ARAF: variants seen among roughly 807,000 people sequenced by gnomAD.
ARAF encodes the protein A-Raf proto-oncogene, serine/threonine kinase.
Under a neutral mutation model 48.0 loss-of-function variants are expected in ARAF, and 18 were observed. The observed-to-expected ratio is 0.37, with a 90% CI of 0.26 to 0.56. The LOEUF is 0.56. Ranked by LOEUF, ARAF falls within the 20% of genes least tolerant of loss-of-function variation. ARAF has a pLI of 0.77. For synonymous variants in ARAF, 207 were observed against 220.1 expected, an observed-to-expected ratio of 0.94 and a Z score of 0.53; for missense variants, 389 against 543.1, an observed-to-expected ratio of 0.72 and a Z score of 2.82.
chrX:47,570,110 A>AAATG, intron 14 of ARAF, 86 bp downstream of exon 14: 2 of 1,058,954 alleles, frequency 1.9e-6, no homozygotes, highest in Middle Eastern at 5.1e-4. Context: ...TTGCACTGAT[A>AAATG]AATGCCACAC....
At chrX:47,569,478 C>T (rs368861433) in intron 12 of ARAF, 61 bp from the exon 13 acceptor site, 1 of 1,022,507 alleles carries the variant, frequency 9.8e-7, no homozygotes. Context: ...ATGGGAACCT[C>T]CCAGGCAGGG....
Position 47,563,028 on chromosome X carries a change from G to A in ARAF, c.61G>A (p.Val21Ile), listed in dbSNP as rs779656098. The change falls in exon 2 of 16, where the codon GTC becomes ATC. Residue 21 changes from valine (V) to isoleucine (I), a missense_variant. Transcript: ENST00000377045. ...GAEPSRAVGT[V>I]KVYLPNKQRT... Reference sequence around the variant, plus strand: ...CGAGCCATCCCGGGCAGTGGGCACCGTCAAAGTATACCTGCCCAACAAGCA... The same window carrying A: ...CGAGCCATCCCGGGCAGTGGGCACCATCAAAGTATACCTGCCCAACAAGCA... 3.3e-6 allele frequency: 4 copies of A among 1,200,028 alleles called. No homozygotes were observed. Among genetic ancestry groups the A allele is most frequent in the Non-Finnish European group, 4.5e-6 (4 of 889,571 alleles).
chrX:47,569,733 G>T (rs2854429), intron 13 of ARAF, 76 bp downstream of exon 13: 2 of 1,107,146 alleles, frequency 1.8e-6, no homozygotes, highest in Non-Finnish European at 2.5e-6. Flanking sequence ...GCCAAGTGGG[G>T]ACGGGGATGC....
At position 47,562,811 on chromosome X, in the gene ARAF, C is replaced by T. The variant is rs997470335; in HGVS notation, c.-59-98C>T. On this transcript the variant is annotated intron_variant, in intron 1 of 15. Transcript: ENST00000377045. ...CGTGTGAAAATTAGGCTGCAGGGGG[C>T]GACAGGAGCCTGGACTTTGAATTTT... 1.3e-5 allele frequency: 6 copies of T among 449,219 alleles called. No homozygotes were observed. The East Asian group carries it at 1.5e-4, about 11-fold the overall frequency. 37.0% of individuals were successfully genotyped at this position (449,219 alleles called of 1,213,427 possible). A position where few individuals can be genotyped will look rare whatever the true frequency, so the allele number is the denominator to read the frequency against.
Position 47,571,542 on chromosome X carries a change from C to A in ARAF, c.*85C>A. 9.3e-7 allele frequency: 1 copy of A among 1,080,879 alleles called. No individual in the cohort carries two copies. The highest frequency in any genetic ancestry group is 2.3e-5 in the South Asian group (1 of 44,080). 89.1% of individuals were successfully genotyped at this position (1,080,879 alleles called of 1,213,427 possible). ...CCAGCCAATCAATGTTCGTCTCTGC[C>A]CTGATGCTGCCTCAGGATCCCCCAT... is the stretch of plus-strand genomic sequence containing the variant. On this transcript the variant is annotated 3_prime_UTR_variant, in exon 16 of 16. Coordinates refer to ENST00000377045, the MANE Select transcript of ARAF (RefSeq NM_001654.5).
intron 1 of ARAF, among the ~76,000 whole-genome samples, chrX:47,561,510 C>T (rs951646121): frequency 1.8e-5 from 2 of 111,982 alleles, no homozygotes; most frequent in African/African-American, 3.2e-5. Context: ...AGCCGGAAGC[C>T]CTTTGGTAGG....
In ARAF at chrX:47,563,359, T is replaced by TG. The variant is rs2057718913; in HGVS notation, c.200+33dup. On this transcript the variant is annotated intron_variant, in intron 3 of 15. Transcript: ENST00000377045. ...GTGTGGCAGCCCCACGCCCACCCACTGGGTGTCCCACCTCCCATCCCCTCC... is the reference window on the plus strand; with the variant it reads ...GTGTGGCAGCCCCACGCCCACCCACTGGGGTGTCCCACCTCCCATCCCCTCC... The TG allele has an allele frequency of 2.7e-6, 3 of 1,105,536 alleles. No homozygotes were observed. The East Asian group carries it at 9.0e-5, about 33-fold the overall frequency. The allele number at this position is 1,105,536 out of a possible 1,213,427, so 91.1% of individuals were successfully genotyped here.
intron 15 of ARAF, 62 bp from the exon 16 acceptor site, chrX:47,571,261 C>G (rs1215167001): frequency 8.8e-7 from 1 of 1,132,041 alleles, no homozygotes; most frequent in Admixed American, 2.5e-5. Flanking sequence ...CGCCATGAGG[C>G]TGGGGCTGTT....
rs752699379 is a variant in ARAF, at chrX:47,564,800, A to G, written c.204A>G (p.Arg68=). Residue 68 remains arginine, a synonymous_variant, in exon 4 of 16, where the codon CGA becomes CGG. Transcript: ENST00000377045. ...TTCCTTTCCATGCCCCCTGCAGACG[A>G]AAGACGGTCACTGCCTGGGACACAG... is the stretch of plus-strand genomic sequence containing the variant. ...CCVVYRLIKG[R]KTVTAWDTAI... is the part of the protein sequence containing the mutation. The G allele has an allele frequency of 3.2e-5, 38 of 1,200,200 alleles. No individual in the cohort carries two copies. The highest frequency in any genetic ancestry group is 3.8e-5 in the Non-Finnish European group (34 of 889,204).
At chrX:47,565,799 T>C (rs1285129143) in intron 6 of ARAF, 4 of 140,045 alleles carry the variant, frequency 2.9e-5, no homozygotes, top group African/African-American at 1.3e-4. Context: ...TGTTAAATAT[T>C]ATATAAAACT....
At position 47,566,713 on chromosome X, in the gene ARAF, GCTCCACGTCCACTCC is replaced by G. The variant is rs1156986983; in HGVS notation, c.634_648del (p.Ser212_Pro216del). On this transcript the variant is annotated inframe_deletion, in exon 7 of 16. Coordinates refer to ENST00000377045, the MANE Select transcript of ARAF (RefSeq NM_001654.5). The stretch of plus-strand genomic sequence containing the variant: ...GCCAATGCCCCCCTACAGCGCATCC[GCTCCACGTCCACTCC>G]CAACGTCCATATGGTCAGCACCACG... 1 of 1,204,066 alleles carries G rather than the reference GCTCCACGTCCACTCC, an allele frequency of 8.3e-7. No homozygotes were observed. The highest frequency in any genetic ancestry group is 1.1e-6 in the Non-Finnish European group (1 of 892,467).
chrX:47,571,775 T>G lies in ARAF; in HGVS notation c.*318T>G, dbSNP rs968747415. On this transcript the variant is annotated 3_prime_UTR_variant, in exon 16 of 16. Coordinates refer to ENST00000377045, the MANE Select transcript of ARAF (RefSeq NM_001654.5). ...CCACTCAGAACCTCTCTGGAATTTG[T>G]GCCTGATGTGCCTTCCACTGGATTT... The G allele has an allele frequency of 3.5e-5, 9 of 258,725 alleles. No individual in the cohort carries two copies. Among genetic ancestry groups the G allele is most frequent in the Admixed American group, 6.6e-5 (1 of 15,103 alleles). 21.3% of individuals were successfully genotyped at this position (258,725 alleles called of 1,213,427 possible).
intron 10 of ARAF, among the ~76,000 whole-genome samples, chrX:47,568,177 T>G (rs888580023): frequency 1.8e-5 from 2 of 111,479 alleles, no homozygotes; most frequent in African/African-American, 6.5e-5. Flanking sequence ...TTTCCCAAGG[T>G]TGTACCTTGA....
At chrX:47,565,856 G>A (rs972045616) in intron 6 of ARAF, 2 of 148,429 alleles carry the variant, frequency 1.3e-5, no homozygotes, top group East Asian at 2.7e-4. Context: ...ATTTTATGAT[G>A]TGCATATTTT....
rs1217499037 is a variant in ARAF at position 47,568,705 on chromosome X, TC to T, written c.1077-10del. 1.7e-6 allele frequency: 2 copies of T among 1,206,538 alleles called. No homozygotes were observed. Among genetic ancestry groups the T allele is most frequent in the South Asian group, 1.8e-5 (1 of 56,546 alleles). Reference sequence around the variant, plus strand: ...TTCCTCCCCACCTCTGACACTGCCCTCCCTGCCTGCAGGAAGACGCGACATG... The same window carrying T: ...TTCCTCCCCACCTCTGACACTGCCCTCCTGCCTGCAGGAAGACGCGACATG... On this transcript the variant is annotated splice_polypyrimidine_tract_variant and intron_variant, in intron 10 of 15. Coordinates refer to ENST00000377045, the MANE Select transcript of ARAF (RefSeq NM_001654.5).
At chrX:47,570,767 A>C in intron 14 of ARAF, 111 bp from the exon 15 acceptor site, 3 of 737,298 alleles carry the variant, frequency 4.1e-6, no homozygotes, top group Non-Finnish European at 6.0e-6. Context: ...TGATACTGAC[A>C]GTACCCCAGC....
At chrX:47,565,217 G>C in intron 5 of ARAF, 35 bp from the exon 6 acceptor site, 1 of 1,209,312 alleles carries the variant, frequency 8.3e-7, no homozygotes, top group Non-Finnish European at 1.1e-6. Context: ...CAGCTGACCC[G>C]TGTCCCCTTG....
At chrX:47,567,750 G>A (rs1012474057) in intron 10 of ARAF, among the ~76,000 whole-genome samples, 2 of 110,814 alleles carry the variant, frequency 1.8e-5, no homozygotes, top group African/African-American at 6.6e-5. Context: ...TTGCCAGGAA[G>A]GCTTCCATCT....
Position 47,566,312 on chromosome X carries a change from A to G in ARAF, c.558-327A>G, listed in dbSNP as rs926699320. The stretch of plus-strand genomic sequence containing the variant: ...AGAGAAACCTTTCCTGACACTTTCT[A>G]GGAACACTTTGTGTCTCCTTATTTT... On this transcript the variant is annotated intron_variant, in intron 6 of 15. Coordinates refer to ENST00000377045, the MANE Select transcript of ARAF (RefSeq NM_001654.5). 4.5e-5 allele frequency among the ~76,000 whole-genome samples: 5 copies of G among 112,038 alleles called. No individual in the cohort carries two copies. In the Admixed American group the frequency reaches 4.7e-4, roughly 11 times the overall value.
Sources: gnomAD v4.1 joint callset for allele counts (sites outside exome capture counted in the v4.1 genomes callset) on GRCh38, gnomAD v4.1.1 for gene constraint, MANE v1.5 for transcripts, NCBI Gene and HGNC (gene_info 2026-07-23, HGNC 2026-07-21) for gene names.